Variants in ZNF804B observed in about 807,000 individuals in gnomAD.
ZNF804B encodes the protein zinc finger 804B.
ZNF804B carries 80 observed loss-of-function variants against 101.4 expected under a neutral mutation model. The ratio of observed to expected loss-of-function variants is 0.79; its 90% CI spans 0.66 to 0.95. The LOEUF is 0.95. Ranked by LOEUF, ZNF804B falls within the 40% of genes least tolerant of loss-of-function variation. The pLI, the probability that ZNF804B is intolerant of heterozygous loss-of-function variation, is 0.00. For missense variants in ZNF804B, 1,673 were observed against 1,561.9 expected (o/e 1.07, Z -1.20); for synonymous variants, 622 against 558.8 (o/e 1.11, Z -1.59).
intron 1 of ZNF804B, among the ~76,000 whole-genome samples, chr7:89,208,436 T>C (rs563113537): frequency 4.0e-4 from 61 of 152,338 alleles, no homozygotes; most frequent in African/African-American, 1.3e-3. Context: ...CTTTATAAAC[T>C]TGTGCAATGT....
chr7:89,225,047 T>C (rs927708812), intron 2 of ZNF804B, among the ~76,000 whole-genome samples: 1 of 152,092 alleles, frequency 6.6e-6, no homozygotes, highest in African/African-American at 2.4e-5. Flanking sequence ...TCTGGAAAAT[T>C]CTTCTATCTG....
intron 1 of ZNF804B, among the ~76,000 whole-genome samples, chr7:88,775,022 G>A (rs1455893104): frequency 6.6e-6 from 1 of 152,154 alleles, no homozygotes; most frequent in Non-Finnish European, 1.5e-5. Context: ...TACAGGTACC[G>A]GTGATAGTGA....
chr7:89,115,482 G>C (rs1790295504), intron 1 of ZNF804B, among the ~76,000 whole-genome samples: 1 of 152,170 alleles, frequency 6.6e-6, no homozygotes, highest in Non-Finnish European at 1.5e-5. Context: ...GCAGTATTGG[G>C]TACAGTAGGA....
chr7:89,312,997 T>C (rs764266716), intron 2 of ZNF804B, among the ~76,000 whole-genome samples: 4 of 152,226 alleles, frequency 2.6e-5, no homozygotes, highest in Non-Finnish European at 4.4e-5. Flanking sequence ...TAGTGATCTG[T>C]AAATGTCTTC....
At chr7:89,163,160 A>G (rs1375228947) in intron 1 of ZNF804B, among the ~76,000 whole-genome samples, 4 of 152,138 alleles carry the variant, frequency 2.6e-5, no homozygotes, top group African/African-American at 7.2e-5. Flanking sequence ...ACACATGGGA[A>G]CATATTTTCA....
intron 1 of ZNF804B, among the ~76,000 whole-genome samples, chr7:88,769,108 C>T (rs557669337): frequency 6.6e-6 from 1 of 152,258 alleles, no homozygotes; most frequent in South Asian, 2.1e-4. Context: ...TGGGGGAAAA[C>T]TTCCAACAAG....
chr7:88,912,605 C>T (rs1310593346), intron 1 of ZNF804B, among the ~76,000 whole-genome samples: 1 of 152,050 alleles, frequency 6.6e-6, no homozygotes, highest in Non-Finnish European at 1.5e-5. Context: ...AAGGCCAAAG[C>T]ATATTTATCT....
intron 2 of ZNF804B, among the ~76,000 whole-genome samples, chr7:89,249,893 A>G (rs1789512987): frequency 6.6e-6 from 1 of 152,166 alleles, no homozygotes; most frequent in Admixed American, 6.5e-5. Flanking sequence ...TGCTAACTAG[A>G]CTAACATAGG....
chr7:88,916,919 A>G (rs1792640988), intron 1 of ZNF804B, among the ~76,000 whole-genome samples: 1 of 152,106 alleles, frequency 6.6e-6, no homozygotes, highest in Admixed American at 6.6e-5. Flanking sequence ...GTGTGTTGAA[A>G]TATGCAGGTC....
At chr7:89,044,161 G>A (rs1345875461) in intron 1 of ZNF804B, among the ~76,000 whole-genome samples, 1 of 152,128 alleles carries the variant, frequency 6.6e-6, no homozygotes, top group African/African-American at 2.4e-5. Flanking sequence ...TGTTTTCCTG[G>A]TAGTGAGTTC....
intron 1 of ZNF804B, among the ~76,000 whole-genome samples, chr7:88,914,438 C>T (rs746623874): frequency 6.6e-6 from 1 of 152,102 alleles, no homozygotes; most frequent in African/African-American, 2.4e-5. Context: ...GGGTTTCTTT[C>T]CTGAGGACAA....
intron 2 of ZNF804B, among the ~76,000 whole-genome samples, chr7:89,239,317 A>G (rs1789330959): frequency 6.6e-6 from 1 of 152,128 alleles, no homozygotes; most frequent in South Asian, 2.1e-4. Flanking sequence ...CAACCACAAC[A>G]TCATTTCTGA....
rs1281731844 is a variant in ZNF804B, at chr7:88,808,986, T to C, written c.108+48902T>C. On this transcript the variant is annotated intron_variant, in intron 1 of 3. Transcript: ENST00000333190. ...CTAAGAAGGTAACCTCAAAACTGTT[T>C]GTAGTGATATCATTTCCTTCTTAGA... Among the ~76,000 whole-genome samples, 4 of 152,180 alleles carry C rather than the reference T, an allele frequency of 2.6e-5. No homozygotes were observed. In the East Asian group the frequency reaches 7.7e-4, roughly 29 times the overall value.
At chr7:88,766,828 C>T (rs190892827) in intron 1 of ZNF804B, among the ~76,000 whole-genome samples, 4 of 152,296 alleles carry the variant, frequency 2.6e-5, no homozygotes, top group Admixed American at 2.6e-4. Context: ...TTGTACTGGA[C>T]AGCAATGAGA....
intron 1 of ZNF804B, among the ~76,000 whole-genome samples, chr7:89,067,314 G>C (rs1433866660): frequency 1.3e-5 from 2 of 152,154 alleles, no homozygotes; most frequent in Non-Finnish European, 2.9e-5. Flanking sequence ...TCACTGGGAG[G>C]AGCCCAGGCC....
intron 1 of ZNF804B, among the ~76,000 whole-genome samples, chr7:88,804,713 A>G (rs1329102260): frequency 6.6e-6 from 1 of 152,088 alleles, no homozygotes; most frequent in Non-Finnish European, 1.5e-5. Flanking sequence ...GGCCCATATA[A>G]CCTATTATGC....
intron 2 of ZNF804B, among the ~76,000 whole-genome samples, chr7:89,219,683 C>CT (rs1788951668): frequency 6.6e-6 from 1 of 151,418 alleles, no homozygotes. Context: ...TTGCTAACAG[C>CT]TGTAACAAGG....
intron 1 of ZNF804B, among the ~76,000 whole-genome samples, chr7:88,821,469 T>C (rs1790980157): frequency 6.6e-6 from 1 of 152,172 alleles, no homozygotes; most frequent in Non-Finnish European, 1.5e-5. Context: ...ACTTTAAATT[T>C]TAAAATGTAT....
At position 89,145,678 on chromosome 7, in the gene ZNF804B, A is replaced by T. The variant is rs1029026339; in HGVS notation, c.109-72477A>T. 1.3e-5 allele frequency among the ~76,000 whole-genome samples: 2 copies of T among 152,150 alleles called. 1 individual carries two copies. The highest frequency in any genetic ancestry group is 4.1e-4 in the South Asian group (2 of 4,828). Reference sequence around the variant, plus strand: ...ATACATTCATTGACTAATTCCACAAACATATACTTATTTCCCACTCTGGAC... The same window carrying T: ...ATACATTCATTGACTAATTCCACAATCATATACTTATTTCCCACTCTGGAC... On this transcript the variant is annotated intron_variant, in intron 1 of 3. Coordinates refer to ENST00000333190, the MANE Select transcript of ZNF804B (RefSeq NM_181646.5).
Sources: allele counts gnomAD v4.1 joint callset (sites outside exome capture counted in the v4.1 genomes callset), GRCh38; gene constraint gnomAD v4.1.1; transcripts MANE v1.5; gene names NCBI Gene and HGNC (gene_info 2026-07-23, HGNC 2026-07-21).